DRC8: variants seen among roughly 807,000 people sequenced by gnomAD.
DRC8 encodes dynein regulatory complex subunit 8.
At chr1:245,076,046 C>T in the DRC8 span, among the ~76,000 whole-genome samples, 2 of 152,168 alleles carry the variant, frequency 1.3e-5, no homozygotes, top group Non-Finnish European at 2.9e-5. Flanking sequence ...CAATTCCGTG[C>T]GCTATCTTAT....
chr1:245,064,023 C>T, the DRC8 span, among the ~76,000 whole-genome samples: 134 of 152,190 alleles, frequency 8.8e-4, no homozygotes, highest in Non-Finnish European at 1.4e-3. Flanking sequence ...ACGCCCGGCC[C>T]AGATCTCAAC....
the DRC8 span, among the ~76,000 whole-genome samples, chr1:244,973,774 C>T: frequency 6.6e-6 from 1 of 152,152 alleles, no homozygotes; most frequent in Non-Finnish European, 1.5e-5. Flanking sequence ...GAATAAGTTT[C>T]AGGGTACCTA....
the DRC8 span, among the ~76,000 whole-genome samples, chr1:245,075,257 TGAC>T: frequency 2.6e-4 from 40 of 152,336 alleles, no homozygotes; most frequent in African/African-American, 9.4e-4. Flanking sequence ...TGCCGGACCC[TGAC>T]GCCCTCAGAT....
At chr1:245,069,665 A>G in the DRC8 span, among the ~76,000 whole-genome samples, 2 of 152,212 alleles carry the variant, frequency 1.3e-5, no homozygotes, top group Non-Finnish European at 2.9e-5. Context: ...ACAGAATTTC[A>G]GTTTTGCAAG....
At chr1:245,030,943 A>G in the DRC8 span, 1 of 152,252 alleles carries the variant, frequency 6.6e-6, no homozygotes, top group Non-Finnish European at 1.5e-5. Flanking sequence ...GGGACGCCTT[A>G]TTTTGGTTAA....
chr1:245,020,893 G>A, the DRC8 span, among the ~76,000 whole-genome samples: 1 of 151,342 alleles, frequency 6.6e-6, no homozygotes. Flanking sequence ...GCCTCCCAAA[G>A]TGCTGGGATT....
chr1:244,987,065 T>C, the DRC8 span, among the ~76,000 whole-genome samples: 1 of 152,186 alleles, frequency 6.6e-6, no homozygotes, highest in Non-Finnish European at 1.5e-5. Context: ...CACTGATCTG[T>C]TGTGATTTAC....
At chr1:245,101,487 C>T in the DRC8 span, among the ~76,000 whole-genome samples, 4 of 152,102 alleles carry the variant, frequency 2.6e-5, no homozygotes, top group Admixed American at 2.0e-4. Context: ...CTCTCTATGA[C>T]GTCAGTACTA....
chr1:245,113,451 C>T, the DRC8 span, among the ~76,000 whole-genome samples: 1 of 152,140 alleles, frequency 6.6e-6, no homozygotes, highest in Admixed American at 6.6e-5. Context: ...TTTTAGAAGG[C>T]CCGCTGTGTG....
chr1:245,012,363 T>C, the DRC8 span, among the ~76,000 whole-genome samples: 1 of 151,764 alleles, frequency 6.6e-6, no homozygotes, highest in African/African-American at 2.4e-5. Context: ...AATGGATTAT[T>C]ATCACTTTAT....
At chr1:245,113,369 C>T in the DRC8 span, among the ~76,000 whole-genome samples, 1 of 152,172 alleles carries the variant, frequency 6.6e-6, no homozygotes, top group Admixed American at 6.5e-5. Flanking sequence ...TTGCTGACCA[C>T]AGGCCATGTC....
the DRC8 span, among the ~76,000 whole-genome samples, chr1:245,046,590 G>A: frequency 1.3e-5 from 2 of 152,158 alleles, no homozygotes; most frequent in East Asian, 3.8e-4. Flanking sequence ...ATAGTGCATA[G>A]GATCATTCGG....
the DRC8 span, among the ~76,000 whole-genome samples, chr1:245,006,370 G>A: frequency 6.6e-6 from 1 of 152,020 alleles, no homozygotes; most frequent in African/African-American, 2.4e-5. Flanking sequence ...GGAGTGCAAT[G>A]GTGCGATCTC....
chr1:245,095,833 C>T, the DRC8 span, among the ~76,000 whole-genome samples: 2 of 152,146 alleles, frequency 1.3e-5, no homozygotes, highest in African/African-American at 4.8e-5. Flanking sequence ...GTTGGGTCAC[C>T]TTTAAAGTGA....
chr1:245,022,830 A>C, the DRC8 span, among the ~76,000 whole-genome samples: 2 of 152,184 alleles, frequency 1.3e-5, no homozygotes, highest in Non-Finnish European at 2.9e-5. Flanking sequence ...CTCTACAACC[A>C]TCACCGCTAT....
the DRC8 span, chr1:245,122,002 G>T: frequency 2.7e-5 from 10 of 373,610 alleles, no homozygotes; most frequent in Non-Finnish European, 5.1e-5. Flanking sequence ...GGGTTCAAGA[G>T]ATTCTCCTGC....
chr1:244,980,082 G>A, the DRC8 span, among the ~76,000 whole-genome samples: 225 of 120,210 alleles, frequency 1.9e-3, 2 homozygotes, highest in African/African-American at 6.3e-3. Context: ...AGCTGGGCGT[G>A]GTGGCAGGTG....
chr1:245,062,974 T>C, the DRC8 span, among the ~76,000 whole-genome samples: 1 of 152,190 alleles, frequency 6.6e-6, no homozygotes, highest in African/African-American at 2.4e-5. Context: ...GGTCTACAAT[T>C]ACCTAATCTA....
the DRC8 span, among the ~76,000 whole-genome samples, chr1:245,048,524 TA>T: frequency 1.3e-4 from 19 of 151,994 alleles, no homozygotes; most frequent in African/African-American, 4.6e-4. Flanking sequence ...GTTTTTTTTT[TA>T]AATAAAATCT....
Sources: gnomAD v4.1 joint callset for allele counts (sites outside exome capture counted in the v4.1 genomes callset) on GRCh38, gnomAD v4.1.1 for gene constraint, MANE v1.5 for transcripts, NCBI Gene and HGNC (gene_info 2026-07-23, HGNC 2026-07-21) for gene names.